AFF3: variants seen among roughly 807,000 people sequenced by gnomAD.
AFF3 encodes the protein ALF transcription elongation factor 3.
Under a neutral mutation model 129.7 loss-of-function variants are expected in AFF3, and 32 were observed. The observed-to-expected ratio is 0.25, with a 90% CI of 0.19 to 0.33. AFF3 has a LOEUF of 0.33. Ranked by LOEUF, AFF3 falls within the 10% of genes least tolerant of loss-of-function variation. AFF3 has a pLI of 1.00. For synonymous variants in AFF3, 644 were observed against 635.4 expected (o/e 1.01, Z -0.20); for missense variants, 1,373 against 1,592.0 (o/e 0.86, Z 2.34).
intron 8 of AFF3, among the ~76,000 whole-genome samples, chr2:99,815,457 C>T (rs1687146764): frequency 6.6e-6 from 1 of 152,200 alleles, no homozygotes; most frequent in African/African-American, 2.4e-5. Flanking sequence ...CCGGCTCCTG[C>T]CTTTGGCACT....
At chr2:99,777,460 A>T (rs1173173703) in intron 8 of AFF3, among the ~76,000 whole-genome samples, 1 of 152,064 alleles carries the variant, frequency 6.6e-6, no homozygotes, top group Non-Finnish European at 1.5e-5. Context: ...CTGCAGACTG[A>T]ATGCTGCTGC....
intron 13 of AFF3, among the ~76,000 whole-genome samples, chr2:99,634,475 A>C (rs1373251100): frequency 6.6e-6 from 1 of 152,146 alleles, no homozygotes; most frequent in Non-Finnish European, 1.5e-5. Flanking sequence ...GAGGCAAGGG[A>C]GTTAGATGAC....
chr2:99,769,495 C>A (rs550734617), intron 8 of AFF3, among the ~76,000 whole-genome samples: 35 of 152,218 alleles, frequency 2.3e-4, no homozygotes, highest in Non-Finnish European at 3.7e-4. Flanking sequence ...GTCCCTGACA[C>A]CTTATGCCTT....
At chr2:99,562,777 C>A (rs1675590082) in intron 20 of AFF3, among the ~76,000 whole-genome samples, 1 of 152,212 alleles carries the variant, frequency 6.6e-6, no homozygotes. Context: ...AACCCAGCCA[C>A]CCTGTTTAGG....
intron 4 of AFF3, among the ~76,000 whole-genome samples, chr2:100,079,818 A>T (rs796857023): frequency 3.9e-5 from 6 of 152,294 alleles, no homozygotes; most frequent in African/African-American, 1.4e-4. Flanking sequence ...GATGCCGCAG[A>T]TGTTATATCT....
intron 7 of AFF3, among the ~76,000 whole-genome samples, chr2:99,950,588 C>T (rs577606831): frequency 2.0e-4 from 30 of 152,216 alleles, no homozygotes; most frequent in African/African-American, 7.2e-4. Flanking sequence ...AGGGATTTTT[C>T]TTCTCTTTCA....
chr2:99,910,634 C>T (rs1183108191), intron 7 of AFF3, among the ~76,000 whole-genome samples: 1 of 152,208 alleles, frequency 6.6e-6, no homozygotes, highest in Non-Finnish European at 1.5e-5. Flanking sequence ...CTCTAAGTTG[C>T]TAAGTTGATA....
intron 22 of AFF3, among the ~76,000 whole-genome samples, chr2:99,556,878 T>TA (rs1259470382): frequency 2.0e-5 from 3 of 151,222 alleles, no homozygotes; most frequent in Admixed American, 6.6e-5. Flanking sequence ...GCTCCGACTG[T>TA]ACCACTGCAC....
intron 2 of AFF3, among the ~76,000 whole-genome samples, chr2:100,114,602 G>A (rs549834943): frequency 9.9e-5 from 15 of 151,998 alleles, no homozygotes; most frequent in East Asian, 1.9e-4. Context: ...GGCTGGTCTC[G>A]AACTCCTGAC....
chr2:100,107,216 A>T (rs1691342119), intron 2 of AFF3: 1 of 985,432 alleles, frequency 1.0e-6, no homozygotes, highest in Non-Finnish European at 1.2e-6. Flanking sequence ...CTAAGCTGTC[A>T]TGGAGATAAA....
intron 7 of AFF3, among the ~76,000 whole-genome samples, chr2:99,900,473 CTTATT>C (rs1694266247): frequency 6.6e-6 from 1 of 152,232 alleles, no homozygotes; most frequent in South Asian, 2.1e-4. Flanking sequence ...TCAGAAGCTC[CTTATT>C]TTAATTCTTG....
At chr2:99,818,896 T>C (rs1389828682) in intron 8 of AFF3, among the ~76,000 whole-genome samples, 1 of 152,104 alleles carries the variant, frequency 6.6e-6, no homozygotes, top group African/African-American at 2.4e-5. Context: ...TAAACACAAC[T>C]TACAGGTATA....
intron 15 of AFF3, among the ~76,000 whole-genome samples, chr2:99,591,122 A>T (rs1336109436): frequency 7.9e-5 from 12 of 152,070 alleles, no homozygotes; most frequent in African/African-American, 2.9e-4. Flanking sequence ...CTTTATAGGG[A>T]TAAATTACTT....
At chr2:99,747,988 C>T (rs1047734910) in intron 9 of AFF3, among the ~76,000 whole-genome samples, 1 of 152,094 alleles carries the variant, frequency 6.6e-6, no homozygotes, top group African/African-American at 2.4e-5. Flanking sequence ...TACCAGGCCA[C>T]TCCCACATTT....
chr2:100,046,312 G>A (rs572065916), intron 4 of AFF3, among the ~76,000 whole-genome samples: 146 of 152,236 alleles, frequency 9.6e-4, no homozygotes, highest in Non-Finnish European at 1.6e-3. Flanking sequence ...GCTAGTCAGC[G>A]GTAACATCAG....
At chr2:99,833,462 A>G (rs1688651131) in intron 8 of AFF3, among the ~76,000 whole-genome samples, 1 of 152,192 alleles carries the variant, frequency 6.6e-6, no homozygotes, top group African/African-American at 2.4e-5. Flanking sequence ...AGATGATGAG[A>G]GCAAGAAAGT....
intron 2 of AFF3, among the ~76,000 whole-genome samples, chr2:100,119,086 G>A (rs1219702619): frequency 6.6e-6 from 1 of 152,226 alleles, no homozygotes; most frequent in Non-Finnish European, 1.5e-5. Context: ...ACAGACGTGA[G>A]CCACCACACC....
intron 11 of AFF3, among the ~76,000 whole-genome samples, chr2:99,690,540 G>GT (rs1675555801): frequency 6.6e-6 from 1 of 152,126 alleles, no homozygotes; most frequent in Non-Finnish European, 1.5e-5. Context: ...GAATGGTTGG[G>GT]CAGATTTGTC....
chr2:99,549,961 G>A lies in AFF3; in HGVS notation c.*1513C>T, dbSNP rs905680358. The A allele has an allele frequency of 2.7e-5, 6 of 224,640 alleles. No homozygotes were observed. The East Asian group carries it at 3.2e-4, about 12-fold the overall frequency. 13.9% of individuals were successfully genotyped at this position (224,640 alleles called of 1,614,324 possible). ...TTACACCGCCTGCCTTTCTCAGACC[G>A]TCCTGGTGCAACTTTATCAAGTAAG... is the stretch of plus-strand genomic sequence containing the variant. On this transcript the variant is annotated 3_prime_UTR_variant, in exon 25 of 25. Transcript: ENST00000672756.
Sources: gnomAD v4.1 joint callset for allele counts (sites outside exome capture counted in the v4.1 genomes callset) on GRCh38, gnomAD v4.1.1 for gene constraint, MANE v1.5 for transcripts, NCBI Gene and HGNC (gene_info 2026-07-23, HGNC 2026-07-21) for gene names.